GIGYF2: variants seen among roughly 807,000 people sequenced by gnomAD.
GIGYF2 encodes the protein GRB10 interacting GYF protein 2.
In GIGYF2, 25 loss-of-function variants were observed where a neutral mutation model predicts 208.1. The ratio of observed to expected loss-of-function variants is 0.12; its 90% CI spans 0.09 to 0.17. The LOEUF (loss-of-function observed/expected upper bound fraction) is 0.17. Ranked by LOEUF, GIGYF2 falls within the 10% of genes least tolerant of loss-of-function variation. GIGYF2 has a pLI of 1.00. For synonymous variants in GIGYF2, 534 were observed against 543.8 expected, an observed-to-expected ratio of 0.98 and a Z score of 0.25; for missense variants, 1,302 against 1,579.4, an observed-to-expected ratio of 0.82 and a Z score of 2.98.
intron 2 of GIGYF2, among the ~76,000 whole-genome samples, chr2:232,724,257 C>G (rs1004552646): frequency 2.7e-5 from 4 of 147,810 alleles, no homozygotes; most frequent in Middle Eastern, 3.4e-3. Context: ...GGGGTTTCAC[C>G]ATGTTGGCCA....
At chr2:232,795,366 T>C (rs900444302) in intron 13 of GIGYF2, among the ~76,000 whole-genome samples, 2 of 152,204 alleles carry the variant, frequency 1.3e-5, no homozygotes, top group Non-Finnish European at 2.9e-5. Context: ...TGTGTACCAT[T>C]GTTATATGTA....
chr2:232,829,688 C>A (rs1172573692), intron 21 of GIGYF2, among the ~76,000 whole-genome samples: 1 of 152,196 alleles, frequency 6.6e-6, no homozygotes, highest in Non-Finnish European at 1.5e-5. Context: ...TGGTTCCCTT[C>A]CTTCTGATGG....
chr2:232,847,759 A>C (rs952585919), intron 27 of GIGYF2, among the ~76,000 whole-genome samples, 188 bp downstream of exon 27: 1 of 152,168 alleles, frequency 6.6e-6, no homozygotes, highest in Admixed American at 6.5e-5. Context: ...CCCAAATAGC[A>C]AGTACAACCA....
At chr2:232,761,556 A>C in intron 8 of GIGYF2, 120 bp downstream of exon 8, 1 of 673,548 alleles carries the variant, frequency 1.5e-6, no homozygotes, top group South Asian at 1.6e-5. Context: ...GGTTATTTGA[A>C]GTCTCTACTG....
chr2:232,774,181 TA>T (rs1354190214), intron 8 of GIGYF2, among the ~76,000 whole-genome samples: 1 of 152,054 alleles, frequency 6.6e-6, no homozygotes, highest in Admixed American at 6.6e-5. Flanking sequence ...ATATGAATAT[TA>T]TACATTCTGA....
intron 18 of GIGYF2, among the ~76,000 whole-genome samples, chr2:232,813,230 C>T (rs1471629015): frequency 2.1e-5 from 3 of 143,624 alleles, no homozygotes; most frequent in Non-Finnish European, 4.5e-5. Flanking sequence ...TGCACTGTTG[C>T]CCGGGCTAGA....
chr2:232,771,740 A>G (rs1973675), intron 8 of GIGYF2, among the ~76,000 whole-genome samples: 99,750 of 152,048 alleles, frequency 0.66, 32,997 homozygotes, highest in South Asian at 0.79. Context: ...AATATTGTGT[A>G]TAAAGACTAG....
At chr2:232,703,651 G>A (rs1695954449) in intron 2 of GIGYF2, among the ~76,000 whole-genome samples, 162 bp downstream of exon 2, 1 of 152,192 alleles carries the variant, frequency 6.6e-6, no homozygotes, top group South Asian at 2.1e-4. Context: ...AACAGTAAGA[G>A]TAACATACCC....
At chr2:232,844,753 A>G (rs1701941644) in intron 25 of GIGYF2, among the ~76,000 whole-genome samples, 179 bp downstream of exon 25, 2 of 152,208 alleles carry the variant, frequency 1.3e-5, no homozygotes, top group Non-Finnish European at 2.9e-5. Flanking sequence ...ATAGAAACAC[A>G]TTCGTATTAT....
chr2:232,851,602 TAGAG>T (rs939072435), intron 28 of GIGYF2, among the ~76,000 whole-genome samples: 2 of 152,094 alleles, frequency 1.3e-5, no homozygotes, highest in Admixed American at 6.5e-5. Context: ...GTATTTTTAG[TAGAG>T]AGGGGTTTTT....
intron 8 of GIGYF2, among the ~76,000 whole-genome samples, chr2:232,774,476 TATGAC>T (rs1398869539): frequency 6.6e-6 from 1 of 152,172 alleles, no homozygotes; most frequent in East Asian, 1.9e-4. Context: ...AGAGGAGAGT[TATGAC>T]ATAACATTGC....
chr2:232,699,595 A>G (rs916462132), intron 1 of GIGYF2, among the ~76,000 whole-genome samples: 1 of 152,190 alleles, frequency 6.6e-6, no homozygotes, highest in African/African-American at 2.4e-5. Flanking sequence ...TTAAAATGAG[A>G]TTGATGATAA....
intron 14 of GIGYF2, among the ~76,000 whole-genome samples, chr2:232,803,863 A>T: frequency 3.2e-5 from 1 of 31,268 alleles, no homozygotes. Flanking sequence ...AATTTTTTGT[A>T]TTTTTAGTAG....
In GIGYF2 at chr2:232,806,644, C is replaced by T. The variant is rs1227624640; in HGVS notation, c.1793C>T (p.Pro598Leu). Residue 598 changes from proline (P) to leucine (L), a missense_variant, in exon 15 of 29, where the codon CCC becomes CTC. Physicochemically the swap from Pro to Leu is moderately conservative, Grantham distance 98 (BLOSUM62 -3). Transcript: ENST00000373563. This position sits in a 1 kb window ranked among gnomAD's most constrained non-coding sequence, Gnocchi z 4.0. ...GRVPFSPGPA[P>L]PPHMGELDQE... ...GTTCCCTTTTCTCCAGGTCCAGCTC[C>T]CCCTCCTCATATGGTAAGTACCTTT... 4 of 1,610,908 alleles carry T rather than the reference C, an allele frequency of 2.5e-6. No individual in the cohort carries two copies. Among genetic ancestry groups the T allele is most frequent in the Non-Finnish European group, 3.4e-6 (4 of 1,177,162 alleles).
chr2:232,701,213 G>A lies in GIGYF2; in HGVS notation c.-109-2211G>A, dbSNP rs963877063. Among the ~76,000 whole-genome samples, 6 of 151,852 alleles carry A rather than the reference G, an allele frequency of 4.0e-5. No homozygotes were observed. In the South Asian group the frequency reaches 8.3e-4, roughly 21 times the overall value. On this transcript the variant is annotated intron_variant, in intron 1 of 28. Coordinates refer to ENST00000373563, the MANE Select transcript of GIGYF2 (RefSeq NM_001103146.3). ...ATACTTCCCTACTTTAAGTAAATAA[G>A]GAACACAATTTTATATTTTCTTGTT...
chr2:232,757,415 C>A (rs1574842899), intron 6 of GIGYF2, among the ~76,000 whole-genome samples: 2 of 151,818 alleles, frequency 1.3e-5, no homozygotes, highest in Admixed American at 1.3e-4. Context: ...AAAGGAAATA[C>A]CTGTGCAACA....
chr2:232,847,141 G>A (rs541614358), intron 26 of GIGYF2, among the ~76,000 whole-genome samples: 5 of 152,292 alleles, frequency 3.3e-5, no homozygotes, highest in South Asian at 2.1e-4. Context: ...AATTAAACAT[G>A]TGGTATGGAT....
chr2:232,845,482 C>T (rs576746103), intron 25 of GIGYF2, among the ~76,000 whole-genome samples: 10 of 152,192 alleles, frequency 6.6e-5, no homozygotes, highest in South Asian at 2.1e-4. Flanking sequence ...CCTAAGGACA[C>T]GTAGGAAGAA....
At chr2:232,763,852 G>A (rs1357991861) in intron 8 of GIGYF2, among the ~76,000 whole-genome samples, 1 of 151,384 alleles carries the variant, frequency 6.6e-6, no homozygotes, top group African/African-American at 2.4e-5. Flanking sequence ...AAAAAGTTAT[G>A]TGAATGTGGT....
Sources: gnomAD v4.1 joint callset for allele counts (sites outside exome capture counted in the v4.1 genomes callset) on GRCh38, gnomAD v4.1.1 for gene constraint, Gnocchi (gnomAD v3.1) non-coding constraint, MANE v1.5 for transcripts, NCBI Gene and HGNC (gene_info 2026-07-23, HGNC 2026-07-21) for gene names.